NAV3: variants seen among roughly 807,000 people sequenced by gnomAD.
NAV3 encodes neuron navigator 3.
In NAV3, 87 loss-of-function variants were observed where a neutral mutation model predicts 244.7. That is an observed-to-expected ratio of 0.36 (90% CI 0.30 to 0.42). The LOEUF is 0.42. NAV3 is among the 20% of genes least tolerant of loss of function. NAV3 has a pLI of 1.00. For missense variants in NAV3, 2,663 were observed against 2,893.3 expected, an observed-to-expected ratio of 0.92 and a Z score of 1.83; for synonymous variants, 1,126 against 1,042.2, an observed-to-expected ratio of 1.08 and a Z score of -1.55.
chr12:77,587,501 G>A (rs1339924646), intron 2 of NAV3, among the ~76,000 whole-genome samples: 3 of 152,124 alleles, frequency 2.0e-5, no homozygotes, highest in Non-Finnish European at 4.4e-5. Flanking sequence ...GCTCTTTTTG[G>A]AGAGAAATTT....
At chr12:77,777,838 G>A (rs558135895) in intron 2 of NAV3, among the ~76,000 whole-genome samples, 1 of 147,788 alleles carries the variant, frequency 6.8e-6, no homozygotes, top group East Asian at 2.0e-4. Context: ...ACGGAGTCTT[G>A]CTCTGTCACC....
chr12:77,596,856 A>G (rs1454398633), intron 2 of NAV3, among the ~76,000 whole-genome samples: 2 of 152,102 alleles, frequency 1.3e-5, no homozygotes, highest in Non-Finnish European at 2.9e-5. Context: ...ATTTTGGGGC[A>G]TCCATGTGCA....
rs36029202 is a variant in NAV3, at chr12:77,845,651, C to CT, written c.243+13966dup. Among the ~76,000 whole-genome samples, 1,282 of 129,572 alleles carry CT rather than the reference C, an allele frequency of 9.9e-3. 30 individuals are homozygous for CT. The highest frequency in any genetic ancestry group is 0.025 in the African/African-American group (885 of 35,076). The allele number at this position is 129,572 out of a possible 152,430, so 85.0% of individuals were successfully genotyped here. On this transcript the variant is annotated intron_variant, in intron 1 of 39. Coordinates refer to ENST00000397909, the MANE Select transcript of NAV3 (RefSeq NM_001024383.2). Reference sequence around the variant, plus strand: ...TTCATTAAGTTTGATTAGGCTAATACTTTTTTTTTTTTTTTTTTTGAGATG... The same window carrying CT: ...TTCATTAAGTTTGATTAGGCTAATACTTTTTTTTTTTTTTTTTTTTGAGATG...
intron 12 of NAV3, among the ~76,000 whole-genome samples, chr12:78,069,232 C>T (rs1952630816): frequency 6.6e-6 from 1 of 151,580 alleles, no homozygotes. Flanking sequence ...ACCAGAGCTC[C>T]CATATGTTTT....
At chr12:77,747,490 G>C (rs926069860) in intron 2 of NAV3, among the ~76,000 whole-genome samples, 3 of 152,160 alleles carry the variant, frequency 2.0e-5, no homozygotes, top group Non-Finnish European at 2.9e-5. Context: ...CCTCAGGGAT[G>C]TAGAACTAGA....
intron 9 of NAV3, among the ~76,000 whole-genome samples, chr12:78,035,488 C>A (rs549412237): frequency 6.6e-6 from 1 of 152,122 alleles, no homozygotes; most frequent in South Asian, 2.1e-4. Context: ...AAGGTAAATA[C>A]AAGAAAATTA....
At chr12:78,135,298 A>G (rs545449998) in intron 18 of NAV3, among the ~76,000 whole-genome samples, 3 of 152,310 alleles carry the variant, frequency 2.0e-5, no homozygotes, top group Non-Finnish European at 2.9e-5. Context: ...CTAAAAGCAG[A>G]TCTGTCATAG....
chr12:77,907,203 G>A (rs960214137), intron 1 of NAV3, among the ~76,000 whole-genome samples: 3 of 152,176 alleles, frequency 2.0e-5, no homozygotes, highest in South Asian at 2.1e-4. Context: ...GGGTGGTGGC[G>A]AAAGCCATGT....
chr12:77,734,799 C>T (rs2137360583), intron 2 of NAV3, among the ~76,000 whole-genome samples: 1 of 152,218 alleles, frequency 6.6e-6, no homozygotes, highest in South Asian at 2.1e-4. Flanking sequence ...GCAGGACTGC[C>T]TAATGTGTTA....
At chr12:77,822,796 A>T (rs1872800553) in intron 2 of NAV3, among the ~76,000 whole-genome samples, 2 of 152,164 alleles carry the variant, frequency 1.3e-5, no homozygotes, top group Admixed American at 1.3e-4. Context: ...CTGGGGTTTA[A>T]GGGAAGTTCT....
chr12:77,689,068 G>A (rs1874886747), intron 2 of NAV3, among the ~76,000 whole-genome samples: 3 of 151,872 alleles, frequency 2.0e-5, no homozygotes, highest in Admixed American at 6.6e-5. Flanking sequence ...AAGTGATGGG[G>A]TTGAGTGTAC....
chr12:77,852,739 T>C (rs527364628), intron 1 of NAV3, among the ~76,000 whole-genome samples: 1 of 152,294 alleles, frequency 6.6e-6, no homozygotes, highest in East Asian at 1.9e-4. Context: ...GAACACATTT[T>C]TCCAGCTAGT....
intron 21 of NAV3, 140 bp downstream of exon 21, chr12:78,146,532 T>A (rs578129498): frequency 4.7e-5 from 14 of 300,112 alleles, no homozygotes; most frequent in African/African-American, 2.4e-4. Flanking sequence ...AGCTAATTGA[T>A]AAATGGTCTT....
At position 78,116,823 on chromosome 12, in the gene NAV3, C is replaced by T. The variant is rs2138517084; in HGVS notation, c.2688C>T (p.Asn896=). 6.2e-7 allele frequency: 1 copy of T among 1,612,344 alleles called. No individual in the cohort carries two copies. Among genetic ancestry groups the T allele is most frequent in the Admixed American group, 1.7e-5 (1 of 59,916 alleles). ...VSSGLSDTLD[N]ISTDDLNTTS... The stretch of plus-strand genomic sequence containing the variant: ...GTGGTCTCAGTGACACCCTTGATAA[C>T]ATCAGCACTGATGACCTGAACACCA... Residue 896 remains asparagine (N), a synonymous_variant, in exon 13 of 40, where the codon AAC becomes AAT. Coordinates refer to ENST00000397909, the MANE Select transcript of NAV3 (RefSeq NM_001024383.2).
intron 12 of NAV3, among the ~76,000 whole-genome samples, chr12:78,112,808 G>T (rs1955169293): frequency 6.6e-6 from 1 of 152,020 alleles, no homozygotes; most frequent in Non-Finnish European, 1.5e-5. Context: ...TCCCCCCAAA[G>T]TCTTAACACA....
At chr12:78,117,924 A>G (rs1593656132) in intron 13 of NAV3, 103 bp from the exon 14 acceptor site, 2 of 1,117,912 alleles carry the variant, frequency 1.8e-6, no homozygotes, top group Non-Finnish European at 2.4e-6. Flanking sequence ...TCAAAATAGA[A>G]TCTTTGGATT....
chr12:77,716,969 G>A (rs1387179987), intron 2 of NAV3, among the ~76,000 whole-genome samples: 1 of 152,016 alleles, frequency 6.6e-6, no homozygotes, highest in East Asian at 1.9e-4. Context: ...TTATAGGAGA[G>A]CATCATGATT....
In NAV3 at chr12:78,210,342, G is replaced by A. The variant is rs1229029364; in HGVS notation, c.7039-56G>A. 5.0e-6 allele frequency: 8 copies of A among 1,607,360 alleles called. No homozygotes were observed. The Admixed American group carries it at 1.4e-4, about 27-fold the overall frequency. On this transcript the variant is annotated intron_variant, in intron 39 of 39. Transcript: ENST00000397909. ...TGTGGCTCAGGGCCTTGTTTTTTAT[G>A]GGCTGGCTTACTCAATGCATCATTG... is the stretch of plus-strand genomic sequence containing the variant.
chr12:77,599,438 T>C (rs1203894491), intron 2 of NAV3, among the ~76,000 whole-genome samples: 1 of 151,922 alleles, frequency 6.6e-6, no homozygotes, highest in African/African-American at 2.4e-5. Flanking sequence ...CTTTTGAATA[T>C]TGTACTTTGT....
Sources: allele counts gnomAD v4.1 joint callset (sites outside exome capture counted in the v4.1 genomes callset), GRCh38; gene constraint gnomAD v4.1.1; transcripts MANE v1.5; gene names NCBI Gene and HGNC (gene_info 2026-07-23, HGNC 2026-07-21).